The following PIAS1 variants were observed in gnomAD, a reference collection of about 807,000 sequenced individuals.
PIAS1 encodes E3 SUMO-protein ligase PIAS1.
PIAS1 carries 6 observed loss-of-function variants against 71.3 expected under a neutral mutation model. That is an observed-to-expected ratio of 0.08 (90% CI 0.05 to 0.17). The LOEUF is 0.17. Ranked by LOEUF, PIAS1 falls within the 10% of genes least tolerant of loss-of-function variation. The pLI, the probability that PIAS1 is intolerant of heterozygous loss-of-function variation, is 1.00. For synonymous variants in PIAS1, 303 were observed against 292.9 expected (o/e 1.03, Z -0.35); for missense variants, 555 against 793.6 (o/e 0.70, Z 3.61).
At chr15:68,132,431 C>A (rs1326750895) in intron 2 of PIAS1, among the ~76,000 whole-genome samples, 1 of 151,754 alleles carries the variant, frequency 6.6e-6, no homozygotes, top group East Asian at 1.9e-4. Context: ...GCCGAGATGG[C>A]ACCACTGCAC....
At chr15:68,077,577 A>G (rs1597138814) in intron 1 of PIAS1, among the ~76,000 whole-genome samples, 1 of 152,354 alleles carries the variant, frequency 6.6e-6, no homozygotes, top group African/African-American at 2.4e-5. Flanking sequence ...GAAGTGTTTT[A>G]GCAGAGGCTG....
intron 7 of PIAS1, among the ~76,000 whole-genome samples, chr15:68,160,678 C>A (rs1040474439): frequency 6.6e-6 from 1 of 152,160 alleles, no homozygotes; most frequent in African/African-American, 2.4e-5. Context: ...ATATAATTCA[C>A]CTTCTCAACA....
chr15:68,060,278 G>A (rs1209384125), intron 1 of PIAS1, among the ~76,000 whole-genome samples: 5 of 152,014 alleles, frequency 3.3e-5, no homozygotes, highest in Admixed American at 2.0e-4. Flanking sequence ...TGGGATTACA[G>A]GTGTGAGCCA....
At chr15:68,064,987 G>T (rs1051231654) in intron 1 of PIAS1, among the ~76,000 whole-genome samples, 2 of 151,904 alleles carry the variant, frequency 1.3e-5, no homozygotes, top group African/African-American at 4.8e-5. Flanking sequence ...TCCAGTGATC[G>T]CCTGCCTCGG....
At chr15:68,057,183 T>C (rs1331451802) in intron 1 of PIAS1, among the ~76,000 whole-genome samples, 1 of 152,218 alleles carries the variant, frequency 6.6e-6, no homozygotes, top group Non-Finnish European at 1.5e-5. Context: ...CTTCAAGATA[T>C]TGCCAATAAA....
chr15:68,060,564 G>C (rs554062206), intron 1 of PIAS1, among the ~76,000 whole-genome samples: 15 of 152,162 alleles, frequency 9.9e-5, no homozygotes, highest in African/African-American at 3.6e-4. Context: ...AGAGAGCTGA[G>C]ACCGTGCCAC....
chr15:68,131,935 G>A (rs1287321313), intron 2 of PIAS1, among the ~76,000 whole-genome samples: 3 of 151,544 alleles, frequency 2.0e-5, no homozygotes, highest in Admixed American at 6.6e-5. Flanking sequence ...GGGCGTGGTG[G>A]CTCATACCTG....
rs186018854 is a variant in PIAS1 at position 68,055,451 on chromosome 15, G to T, written c.24+1101G>T. Among the ~76,000 whole-genome samples, 43 of 152,200 alleles carry T rather than the reference G, an allele frequency of 2.8e-4. 2 individuals are homozygous for T. In the East Asian group the frequency reaches 3.7e-3, roughly 13 times the overall value. On this transcript the variant is annotated intron_variant, in intron 1 of 13. Coordinates refer to ENST00000249636, the MANE Select transcript of PIAS1 (RefSeq NM_016166.3). ...CCACCCCAATCTTTACCTGATGATG[G>T]CTTCTTTACCGTAGCAGATATACCA...
chr15:68,086,215 C>T lies in PIAS1; in HGVS notation c.25-91C>T. The T allele has an allele frequency of 4.6e-6, 4 of 865,714 alleles. No homozygotes were observed. The South Asian group carries it at 5.8e-5, about 13-fold the overall frequency. 53.6% of individuals were successfully genotyped at this position (865,714 alleles called of 1,614,324 possible). A position where few individuals can be genotyped will look rare whatever the true frequency, so the allele number is the denominator to read the frequency against. On this transcript the variant is annotated intron_variant, in intron 1 of 13. Coordinates refer to ENST00000249636, the MANE Select transcript of PIAS1 (RefSeq NM_016166.3). This position sits in a 1 kb window ranked among gnomAD's most constrained non-coding sequence, Gnocchi z 7.2. Reference sequence around the variant, plus strand: ...GCTGGCCTTTATTTGCTTAAGTAAACCATAAGAAGGGGGTTATAATAAAGT... The same window carrying T: ...GCTGGCCTTTATTTGCTTAAGTAAATCATAAGAAGGGGGTTATAATAAAGT...
rs1395548446 is a variant in PIAS1, at chr15:68,167,352, A to G, written c.1008+2548A>G. ...TCAAAAATAAAATTTAATAATACCT[A>G]TATATCAAATTTATGGGATAATAAA... On this transcript the variant is annotated intron_variant, in intron 8 of 13. Transcript: ENST00000249636. The surrounding 1 kb of genome is among the most constrained non-coding windows in gnomAD (Gnocchi z 4.4). 2.0e-5 allele frequency among the ~76,000 whole-genome samples: 3 copies of G among 152,184 alleles called. No homozygotes were observed. Among genetic ancestry groups the G allele is most frequent in the African/African-American group, 4.8e-5 (2 of 41,446 alleles).
At chr15:68,068,240 A>T (rs1173526881) in intron 1 of PIAS1, among the ~76,000 whole-genome samples, 2 of 152,104 alleles carry the variant, frequency 1.3e-5, no homozygotes, top group African/African-American at 2.4e-5. Flanking sequence ...TGGCTGAGGC[A>T]TGTGCCTGTG....
rs1555434694 is a variant in PIAS1, at chr15:68,182,490, C to CGCGTGTGTGT, written c.1624+1137_1624+1138insCGTGTGTGTG. Among the ~76,000 whole-genome samples, 5 of 123,354 alleles carry CGCGTGTGTGT rather than the reference C, an allele frequency of 4.1e-5. 1 individual carries two copies. The highest frequency in any genetic ancestry group is 4.4e-4 in the East Asian group (2 of 4,500). 80.9% of individuals were successfully genotyped at this position (123,354 alleles called of 152,430 possible). On this transcript the variant is annotated intron_variant, in intron 12 of 13. Coordinates refer to ENST00000249636, the MANE Select transcript of PIAS1 (RefSeq NM_016166.3). ...AGTTTTGCTCTTATTGCTCAGGCTG[C>CGCGTGTGTGT]GTGTGTGTGTGTGTGTGTGTGTGTG...
At chr15:68,142,734 C>A (rs2092780677) in intron 4 of PIAS1, among the ~76,000 whole-genome samples, 1 of 146,566 alleles carries the variant, frequency 6.8e-6, no homozygotes, top group Non-Finnish European at 1.5e-5. Flanking sequence ...TGATATCTTA[C>A]AATATCATAT....
intron 2 of PIAS1, among the ~76,000 whole-genome samples, chr15:68,108,470 CCTCTT>C (rs753398437): frequency 1.8e-4 from 28 of 152,054 alleles, no homozygotes; most frequent in Non-Finnish European, 1.9e-4. Flanking sequence ...CCTCGTTCTT[CCTCTT>C]CTCTTCTCAC....
chr15:68,168,098 TC>T (rs1386819554), intron 8 of PIAS1, among the ~76,000 whole-genome samples: 2 of 152,072 alleles, frequency 1.3e-5, no homozygotes, highest in South Asian at 2.1e-4. Context: ...AACCTCCACT[TC>T]CTGGGTTCAA....
At chr15:68,134,609 GGGC>G (rs1415081379) in intron 2 of PIAS1, among the ~76,000 whole-genome samples, 7 of 12,432 alleles carry the variant, frequency 5.6e-4, no homozygotes, top group South Asian at 3.2e-3. Flanking sequence ...GCGGCTGGCC[GGGC>G]GGGGGGCTAA....
intron 4 of PIAS1, among the ~76,000 whole-genome samples, chr15:68,143,650 T>C (rs2092787994): frequency 6.6e-6 from 1 of 152,116 alleles, no homozygotes; most frequent in Non-Finnish European, 1.5e-5. Flanking sequence ...CATAGTTAAT[T>C]ATGTATTGCT....
chr15:68,075,845 G>A (rs72759518), intron 1 of PIAS1, among the ~76,000 whole-genome samples: 9,045 of 149,266 alleles, frequency 0.061, 374 homozygotes, highest in South Asian at 0.1. Context: ...GCAATGATGC[G>A]ATCTTGGCTC....
intron 2 of PIAS1, among the ~76,000 whole-genome samples, chr15:68,124,901 G>A (rs1383269918): frequency 6.6e-6 from 1 of 152,044 alleles, no homozygotes; most frequent in East Asian, 1.9e-4. Flanking sequence ...TGCTTGCATT[G>A]CAAATTGTTG....
Sources: allele counts gnomAD v4.1 joint callset (sites outside exome capture counted in the v4.1 genomes callset), GRCh38; gene constraint gnomAD v4.1.1; non-coding constraint Gnocchi (gnomAD v3.1); transcripts MANE v1.5; gene names NCBI Gene and HGNC (gene_info 2026-07-23, HGNC 2026-07-21).